CROCC: variants seen among roughly 807,000 people sequenced by gnomAD.
CROCC encodes ciliary rootlet coiled-coil, rootletin.
CROCC carries 180 observed loss-of-function variants against 245.2 expected under a neutral mutation model. The observed-to-expected ratio is 0.73, with a 90% CI of 0.65 to 0.83. CROCC has a LOEUF of 0.83. CROCC is among the 40% of genes least tolerant of loss of function. The pLI is 0.00. For missense variants in CROCC, 2,688 were observed against 2,779.4 expected (o/e 0.97, Z 0.74); for synonymous variants, 1,205 against 1,241.6 (o/e 0.97, Z 0.62).
rs751404530 is a variant in CROCC, at chr1:16,936,744, C to A, written c.1064C>A (p.Ala355Glu). Residue 355 changes from alanine (A) to glutamate (E), a missense_variant, in exon 9 of 37, where the codon GCA (alanine) becomes GAA (glutamate). Coordinates refer to ENST00000375541, the MANE Select transcript of CROCC (RefSeq NM_014675.5). ...GLRLAESRAEAALEKQALLQA... is the reference protein window; with the variant it reads ...GLRLAESRAEEALEKQALLQA... ...CGGCTGGCAGAGAGCCGGGCCGAGG[C>A]AGCCCTGGAGAAACAGGCCCTGCTG... The A allele has an allele frequency of 2.5e-6, 4 of 1,610,338 alleles. No individual in the cohort carries two copies. Among genetic ancestry groups the A allele is most frequent in the Non-Finnish European group, 2.5e-6 (3 of 1,179,144 alleles).
chr1:16,914,283 G>C (rs2075281409), intron 1 of CROCC, among the ~76,000 whole-genome samples: 1 of 152,170 alleles, frequency 6.6e-6, no homozygotes, highest in Non-Finnish European at 1.5e-5. Flanking sequence ...CGGCACCGGA[G>C]GCCAGGAGAG....
intron 1 of CROCC, among the ~76,000 whole-genome samples, chr1:16,915,474 C>T (rs1223832812): frequency 1.3e-5 from 2 of 152,178 alleles, no homozygotes; most frequent in Non-Finnish European, 2.9e-5. Context: ...CATCTCATCT[C>T]TACAACAAGT....
At chr1:16,930,086 C>A (rs1456305527) in intron 4 of CROCC, 38 bp from the exon 5 acceptor site, 2 of 1,575,506 alleles carry the variant, frequency 1.3e-6, no homozygotes, top group Admixed American at 1.9e-5. Context: ...TTGCCCCGCC[C>A]CAACCCCTGG....
rs538613029 is a variant in CROCC, at chr1:16,969,922, A to C, written c.5439A>C (p.Gln1813His). The C allele has an allele frequency of 6.3e-7, 1 of 1,598,724 alleles. No homozygotes were observed. Among genetic ancestry groups the C allele is most frequent in the African/African-American group, 1.3e-5 (1 of 74,864 alleles). The stretch of plus-strand genomic sequence containing the variant: ...GGGTGGAGGCCGAGGGCCAGCTACA[A>C]CAGCTACGGGAGGTGAGGGCCAGGG... ...LQRVEAEGQL[Q>H]QLREVLRQRQ... The change falls in exon 33 of 37, where the codon CAA (glutamine) becomes CAC (histidine). Residue 1813 changes from glutamine (Q) to histidine (H), a missense_variant. Transcript: ENST00000375541.
At position 16,969,586 on chromosome 1, in the gene CROCC, T is replaced by C. The variant is rs2076478492; in HGVS notation, c.5302-199T>C. ...TGGGGGGACCCAGGGGCAGGGTTTA[T>C]TGGGGAGAGTTGGGGTCTGAGTGGG... is the stretch of plus-strand genomic sequence containing the variant. On this transcript the variant is annotated intron_variant, in intron 32 of 36. Transcript: ENST00000375541. Among the ~76,000 whole-genome samples, 4 of 152,112 alleles carry C rather than the reference T, an allele frequency of 2.6e-5. No homozygotes were observed. The South Asian group carries it at 8.3e-4, about 32-fold the overall frequency.
intron 8 of CROCC, among the ~76,000 whole-genome samples, chr1:16,934,871 G>A (rs1447091035): frequency 1.5e-4 from 22 of 145,542 alleles, no homozygotes; most frequent in Non-Finnish European, 2.9e-4. Flanking sequence ...AAGTTACCAT[G>A]AGAAGCATTA....
chr1:16,917,958 C>T, upstream of CROCC, among the ~76,000 whole-genome samples: 1 of 71,744 alleles, frequency 1.4e-5, no homozygotes, highest in Non-Finnish European at 2.9e-5. Flanking sequence ...TTCTATGGAC[C>T]AGAACTTGAC....
Position 16,972,450 on chromosome 1 carries a change from C to G in CROCC, c.*4C>G, listed in dbSNP as rs774952037. On this transcript the variant is annotated 3_prime_UTR_variant, in exon 37 of 37. Transcript: ENST00000375541. ...CTCCGGCCCCCCAGAGAAATGAGCTCCTGCTGGCATCTGGAGAACACCCCT... is the reference window on the plus strand; with the variant it reads ...CTCCGGCCCCCCAGAGAAATGAGCTGCTGCTGGCATCTGGAGAACACCCCT... 23 of 1,610,838 alleles carry G rather than the reference C, an allele frequency of 1.4e-5. No homozygotes were observed. Among genetic ancestry groups the G allele is most frequent in the Non-Finnish European group, 2.0e-5 (23 of 1,177,942 alleles).
In CROCC at chr1:16,948,404, C is replaced by T. The variant is rs748713328; in HGVS notation, c.2588C>T (p.Ala863Val). The change falls in exon 18 of 37, where the codon GCG becomes GTG. Residue 863 changes from alanine (A) to valine (V), a missense_variant. Physicochemically the swap from Ala to Val is moderately conservative, Grantham distance 64. This residue lies in a region of CROCC where 295 missense variants were observed against 241.7 expected (regional missense o/e 1.22). Coordinates refer to ENST00000375541, the MANE Select transcript of CROCC (RefSeq NM_014675.5). ...CGGGAGGCCCAGCGGCAAGTGGAGG[C>T]GCTGGAGCGAGCGGCCCGTGAGAAG... is the stretch of plus-strand genomic sequence containing the variant. ...ARREAQRQVE[A>V]LERAAREKEA... The T allele has an allele frequency of 2.8e-5, 44 of 1,576,108 alleles. No homozygotes were observed. The South Asian group carries it at 3.3e-4, about 12-fold the overall frequency.
chr1:16,955,637 T>C, intron 24 of CROCC, 87 bp downstream of exon 24: 1 of 1,199,376 alleles, frequency 8.3e-7, no homozygotes, highest in Non-Finnish European at 1.1e-6. Context: ...CTGGGGAAAT[T>C]GCCCAGATAC....
intron 20 of CROCC, among the ~76,000 whole-genome samples, chr1:16,952,635 T>C (rs2076181866): frequency 6.6e-6 from 1 of 152,160 alleles, no homozygotes; most frequent in African/African-American, 2.4e-5. Flanking sequence ...CCCAGGGATC[T>C]GAACTCCTGT....
chr1:16,951,575 C>T (rs2076159950), intron 20 of CROCC, among the ~76,000 whole-genome samples: 1 of 152,232 alleles, frequency 6.6e-6, no homozygotes, highest in African/African-American at 2.4e-5. Flanking sequence ...GCCTTCATTT[C>T]CCCACCTGTA....
In CROCC at chr1:16,970,386, G is replaced by A. The variant is rs750766015; in HGVS notation, c.5585G>A (p.Arg1862Gln). 20 of 1,604,784 alleles carry A rather than the reference G, an allele frequency of 1.2e-5. No individual in the cohort carries two copies. Among genetic ancestry groups the A allele is most frequent in the Middle Eastern group, 1.7e-4 (1 of 5,984 alleles). Residue 1862 changes from arginine to glutamine, a missense_variant, in exon 34 of 37, where the codon CGG becomes CAG. By Grantham distance (43) the Arg-to-Gln change is conservative. This residue lies in a region of CROCC where 1,218 missense variants were observed against 1,286.3 expected (regional missense o/e 0.95). Coordinates refer to ENST00000375541, the MANE Select transcript of CROCC (RefSeq NM_014675.5). The part of the protein sequence containing the change: ...RALAQLEAEK[R>Q]EVERSALRLE... ...CTGGCTCAGCTGGAAGCTGAGAAGC[G>A]GGAGGTGGAGCGCTCAGCCCTGCGG... is the stretch of plus-strand genomic sequence containing the variant.
At chr1:16,919,343 AGGTGAGAGCCCAAT>A (rs1161327322), upstream of CROCC, among the ~76,000 whole-genome samples, 11 of 152,278 alleles carry the variant, frequency 7.2e-5, no homozygotes, top group Non-Finnish European at 1.5e-4. Context: ...CGCCTTGAAT[AGGTGAGAGCCCAAT>A]GTCTCTGAGC....
chr1:16,948,558 G>A, intron 18 of CROCC, 34 bp downstream of exon 18: 1 of 1,499,942 alleles, frequency 6.7e-7, no homozygotes. Context: ...CCCGCCCTGG[G>A]GGGTCCTCCT....
At chr1:16,953,278 A>G in intron 20 of CROCC, 24 bp from the exon 21 acceptor site, 1 of 1,556,216 alleles carries the variant, frequency 6.4e-7, no homozygotes, top group South Asian at 1.2e-5. Context: ...GGTGTGTCAC[A>G]GGCATCCGGT....
intron 26 of CROCC, among the ~76,000 whole-genome samples, chr1:16,959,986 G>C (rs1478841575): frequency 1.3e-5 from 2 of 151,556 alleles, no homozygotes; most frequent in African/African-American, 4.8e-5. Context: ...AACAAAAACA[G>C]CCGGGCGCAG....
At chr1:16,931,517 G>A in intron 8 of CROCC, 120 bp downstream of exon 8, 1 of 900,346 alleles carries the variant, frequency 1.1e-6, no homozygotes, top group Non-Finnish European at 1.8e-6. Context: ...GGCCGGTGAG[G>A]ACACAGAGGC....
intron 30 of CROCC, among the ~76,000 whole-genome samples, chr1:16,967,695 C>A (rs1304239329): frequency 4.6e-5 from 7 of 152,144 alleles, no homozygotes; most frequent in Non-Finnish European, 1.0e-4. Context: ...CCCATCCCCA[C>A]TCCCCAGGCC....
Sources: allele counts gnomAD v4.1 joint callset (sites outside exome capture counted in the v4.1 genomes callset), GRCh38; gene constraint gnomAD v4.1.1; regional missense constraint gnomAD v4.1.1; transcripts MANE v1.5; gene names NCBI Gene and HGNC (gene_info 2026-07-23, HGNC 2026-07-21).